AK5: variants seen among roughly 807,000 people sequenced by gnomAD.
The protein encoded by AK5 is adenylate kinase 5.
AK5 carries 27 observed loss-of-function variants against 69.5 expected under a neutral mutation model. The observed-to-expected ratio is 0.39, with a 90% CI of 0.29 to 0.54. The LOEUF (loss-of-function observed/expected upper bound fraction) is 0.54. Among genes scored for constraint, AK5 ranks in the 20% least tolerant of loss-of-function variants. The probability of loss-of-function intolerance (pLI) is 0.71; values close to 1 mark genes in which losing one functional copy is unlikely to be tolerated. For missense variants in AK5, 531 were observed against 700.4 expected (o/e 0.76, Z 2.73); for synonymous variants, 260 against 244.4 (o/e 1.06, Z -0.60).
chr1:77,436,192 T>G (rs1001683905), intron 8 of AK5, among the ~76,000 whole-genome samples: 3 of 152,134 alleles, frequency 2.0e-5, no homozygotes, highest in African/African-American at 7.2e-5. Flanking sequence ...CCTTTCTAAA[T>G]TCGTATTTTG....
At chr1:77,290,702 C>A (rs1171187584) in intron 2 of AK5, among the ~76,000 whole-genome samples, 1 of 152,186 alleles carries the variant, frequency 6.6e-6, no homozygotes, top group Non-Finnish European at 1.5e-5. Flanking sequence ...ATATTTACTT[C>A]AAAACCAGCA....
At chr1:77,508,279 A>G (rs1461021005) in intron 10 of AK5, among the ~76,000 whole-genome samples, 1 of 152,162 alleles carries the variant, frequency 6.6e-6, no homozygotes, top group Non-Finnish European at 1.5e-5. Flanking sequence ...TAAATTGCAG[A>G]TGTCTGTACA....
intron 8 of AK5, among the ~76,000 whole-genome samples, chr1:77,468,325 A>T (rs894957129): frequency 1.2e-4 from 19 of 152,238 alleles, no homozygotes; most frequent in Non-Finnish European, 4.4e-5. Context: ...TGCAGATTAG[A>T]AAAAGATCCC....
chr1:77,293,776 A>G lies in AK5; in HGVS notation c.248-17A>G, dbSNP rs767115777. On this transcript the variant is annotated splice_polypyrimidine_tract_variant and intron_variant, in intron 2 of 13. Transcript: ENST00000354567. ...ATGGTGTTTTTTCCTTTTCAAAGTT[A>G]TCTTACTCTTTTGCAGTAATGCCTG... The G allele has an allele frequency of 5.1e-6, 8 of 1,580,726 alleles. No homozygotes were observed. In the Admixed American group the frequency reaches 5.7e-5, roughly 11 times the overall value.
Position 77,367,335 on chromosome 1 carries a change from T to C in AK5, c.891+26767T>C, listed in dbSNP as rs907652670. Among the ~76,000 whole-genome samples the C allele has an allele frequency of 2.0e-5, 3 of 150,378 alleles. No individual in the cohort carries two copies. The South Asian group carries it at 6.3e-4, about 32-fold the overall frequency. On this transcript the variant is annotated intron_variant, in intron 6 of 13. Transcript: ENST00000354567. ...TTATTTATGCTTTTTGGATTTCTGG[T>C]TTTTGTTTTTTGAGACAGGATCTCA...
intron 8 of AK5, among the ~76,000 whole-genome samples, chr1:77,425,184 A>G (rs527774025): frequency 1.3e-5 from 2 of 152,364 alleles, no homozygotes; most frequent in Admixed American, 1.3e-4. Context: ...TTATCCTTCA[A>G]AAATGAAGGA....
chr1:77,296,922 A>G (rs1464926938), intron 3 of AK5, among the ~76,000 whole-genome samples: 2 of 152,160 alleles, frequency 1.3e-5, no homozygotes, highest in African/African-American at 2.4e-5. Context: ...TGTTCTTGGC[A>G]TCTTTGTGGA....
At position 77,367,599 on chromosome 1, in the gene AK5, A is replaced by ATATATATGTTATATATATGTT. The variant is rs756398279; in HGVS notation, c.891+27031_891+27032insTATATATGTTATATATATGTT. Among the ~76,000 whole-genome samples, 16 of 63,144 alleles carry ATATATATGTTATATATATGTT rather than the reference A, an allele frequency of 2.5e-4. 3 individuals carry two copies. Among genetic ancestry groups the ATATATATGTTATATATATGTT allele is most frequent in the African/African-American group, 9.8e-4 (13 of 13,278 alleles). The allele number at this position is 63,144 out of a possible 152,430, so 41.4% of individuals were successfully genotyped here. A position where few individuals can be genotyped will look rare whatever the true frequency, so the allele number is the denominator to read the frequency against. On this transcript the variant is annotated intron_variant, in intron 6 of 13. Coordinates refer to ENST00000354567, the MANE Select transcript of AK5 (RefSeq NM_174858.3). Reference sequence around the variant, plus strand: ...TATATAATATATATGTTATATATGTAATATATATGTAATATATATGTTATA... The same window carrying ATATATATGTTATATATATGTT: ...TATATAATATATATGTTATATATGTATATATATGTTATATATATGTTATATATATGTAATATATATGTTATA...
intron 8 of AK5, among the ~76,000 whole-genome samples, chr1:77,444,713 TAAATATATAC>T (rs1050470556): frequency 1.2e-4 from 17 of 141,466 alleles, no homozygotes; most frequent in Non-Finnish European, 1.8e-4. Flanking sequence ...ATATATTGTA[TAAATATATAC>T]AAATATATGT....
chr1:77,410,963 T>G lies in AK5; in HGVS notation c.892-18T>G. 1 of 1,607,954 alleles carries G rather than the reference T, an allele frequency of 6.2e-7. No homozygotes were observed. Among genetic ancestry groups the G allele is most frequent in the Non-Finnish European group, 8.5e-7 (1 of 1,175,720 alleles). On this transcript the variant is annotated intron_variant, in intron 6 of 13. Transcript: ENST00000354567. ...TGTATTCTCACATTCCAAACTTGTC[T>G]GTCCTGATTTCCCCCAGTTTGATGC...
chr1:77,320,599 A>C (rs1660479447), intron 5 of AK5, among the ~76,000 whole-genome samples: 1 of 152,016 alleles, frequency 6.6e-6, no homozygotes, highest in Non-Finnish European at 1.5e-5. Context: ...AAATACAAAA[A>C]TTAGCCAGGT....
chr1:77,447,672 C>T (rs778384839), intron 8 of AK5, among the ~76,000 whole-genome samples: 3 of 152,130 alleles, frequency 2.0e-5, no homozygotes, highest in Non-Finnish European at 4.4e-5. Flanking sequence ...AAGATGAAAT[C>T]ATTTGTGATA....
At chr1:77,517,001 G>A (rs577850844) in intron 10 of AK5, among the ~76,000 whole-genome samples, 4 of 151,728 alleles carry the variant, frequency 2.6e-5, no homozygotes, top group African/African-American at 4.8e-5. Context: ...AACCTGGGGG[G>A]TGGAGGTTGC....
chr1:77,433,908 T>G (rs1027862967), intron 8 of AK5, among the ~76,000 whole-genome samples: 4 of 151,574 alleles, frequency 2.6e-5, no homozygotes, highest in African/African-American at 9.7e-5. Context: ...TACATAATTT[T>G]TATTTATTTT....
At chr1:77,300,571 G>C (rs1467022704) in intron 5 of AK5, among the ~76,000 whole-genome samples, 1 of 152,080 alleles carries the variant, frequency 6.6e-6, no homozygotes, top group Non-Finnish European at 1.5e-5. Context: ...CTTTTTTTCT[G>C]CTACCACTTC....
intron 13 of AK5, among the ~76,000 whole-genome samples, chr1:77,550,546 TTC>T (rs1455530942): frequency 6.6e-6 from 1 of 152,204 alleles, no homozygotes; most frequent in African/African-American, 2.4e-5. Flanking sequence ...TGCAGGATTG[TTC>T]TCTGTTTGCT....
At position 77,396,403 on chromosome 1, in the gene AK5, G is replaced by A. The variant is rs114761501; in HGVS notation, c.892-14578G>A. On this transcript the variant is annotated intron_variant, in intron 6 of 13. Coordinates refer to ENST00000354567, the MANE Select transcript of AK5 (RefSeq NM_174858.3). ...ACACAAAGAGCCCAGTAGCCCAGTG[G>A]CTATTAAGTTGTTAAACAAGCCCCC... Among the ~76,000 whole-genome samples, 204 of 152,278 alleles carry A rather than the reference G, an allele frequency of 1.3e-3. 1 individual carries two copies. Among genetic ancestry groups the A allele is most frequent in the African/African-American group, 4.7e-3 (195 of 41,562 alleles).
chr1:77,440,993 C>T (rs1319151843), intron 8 of AK5, among the ~76,000 whole-genome samples: 1 of 152,168 alleles, frequency 6.6e-6, no homozygotes, highest in African/African-American at 2.4e-5. Context: ...AGGTAATTCA[C>T]CTGCCTTGGC....
chr1:77,458,459 A>C (rs1057074562), intron 8 of AK5, among the ~76,000 whole-genome samples: 3 of 152,174 alleles, frequency 2.0e-5, no homozygotes, highest in African/African-American at 7.2e-5. Context: ...GTCCATTTTC[A>C]TGCTGCTGAT....
Sources: gnomAD v4.1 joint callset for allele counts (sites outside exome capture counted in the v4.1 genomes callset) on GRCh38, gnomAD v4.1.1 for gene constraint, MANE v1.5 for transcripts, NCBI Gene and HGNC (gene_info 2026-07-23, HGNC 2026-07-21) for gene names.